Variants in PXDNL observed in about 807,000 individuals in gnomAD.
PXDNL encodes the protein probable oxidoreductase PXDNL.
Under a neutral mutation model 150.8 loss-of-function variants are expected in PXDNL, and 145 were observed. The observed-to-expected ratio is 0.96, with a 90% CI of 0.84 to 1.10. PXDNL has a LOEUF of 1.10. PXDNL is among the 50% of genes least tolerant of loss of function. The pLI, the probability that PXDNL is intolerant of heterozygous loss-of-function variation, is 0.00. For missense variants in PXDNL, 2,087 were observed against 1,873.9 expected, an observed-to-expected ratio of 1.11 and a Z score of -2.10; for synonymous variants, 757 against 725.7, an observed-to-expected ratio of 1.04 and a Z score of -0.69.
chr8:51,599,264 TCTCCTGCTAGTTCTAGGG>T (rs1380384526), intron 2 of PXDNL, among the ~76,000 whole-genome samples: 2 of 152,008 alleles, frequency 1.3e-5, no homozygotes, highest in Non-Finnish European at 2.9e-5. Flanking sequence ...TTACTTCTTT[TCTCCTGCTAGTTCTAGGG>T]TTAGTTTGTT....
At position 51,423,695 on chromosome 8, in the gene PXDNL, C is replaced by A. The variant is rs148872370; in HGVS notation, c.1675G>T (p.Val559Leu). The A allele has an allele frequency of 3.4e-4, 543 of 1,613,852 alleles. 5 individuals are homozygous for A. In the African/African-American group the frequency reaches 6.4e-3, roughly 19 times the overall value. ...ATAGTCAGCGTGCCTTCATCATCCA[C>A]ATGGAATTTACCACTCTCAGTAATC... ...VQITESGKFH[V>L]DDEGTLTIYD... The change falls in exon 14 of 23, where the codon GTG (valine) becomes TTG (leucine). Residue 559 changes from valine (V) to leucine (L), a missense_variant. Coordinates refer to ENST00000356297, the MANE Select transcript of PXDNL (RefSeq NM_144651.5).
At chr8:51,439,642 G>T (rs2893654) in intron 12 of PXDNL, among the ~76,000 whole-genome samples, 147,081 of 152,080 alleles carry the variant, frequency 0.97, 71,352 homozygotes, top group East Asian at 1. Flanking sequence ...CTGGCCAACA[G>T]GGCGAAAAAC....
intron 1 of PXDNL, among the ~76,000 whole-genome samples, chr8:51,720,779 C>T (rs531634700): frequency 2.0e-5 from 3 of 152,212 alleles, no homozygotes; most frequent in East Asian, 1.9e-4. Flanking sequence ...TTCACACAGT[C>T]GGCTAGTGGT....
At chr8:51,492,986 C>G (rs980627360) in intron 5 of PXDNL, among the ~76,000 whole-genome samples, 2 of 152,202 alleles carry the variant, frequency 1.3e-5, no homozygotes, top group African/African-American at 4.8e-5. Context: ...ACTGCCTCCT[C>G]AAGTGGGTCT....
intron 14 of PXDNL, among the ~76,000 whole-genome samples, chr8:51,418,136 G>A (rs1808849022): frequency 6.6e-6 from 1 of 152,148 alleles, no homozygotes; most frequent in Non-Finnish European, 1.5e-5. Flanking sequence ...GATGAGAAAT[G>A]TGTTACCTTT....
intron 2 of PXDNL, among the ~76,000 whole-genome samples, chr8:51,633,566 T>C (rs1814537075): frequency 6.6e-6 from 1 of 152,090 alleles, no homozygotes; most frequent in South Asian, 2.1e-4. Flanking sequence ...GTTTTTTAAC[T>C]TCTTAATAAT....
In PXDNL at chr8:51,398,281, A is replaced by G. The variant is rs72638113; in HGVS notation, c.3557+9786T>C. Among the ~76,000 whole-genome samples the G allele has an allele frequency of 5.5e-3, 843 of 152,344 alleles. 2 individuals are homozygous for G. Among genetic ancestry groups the G allele is most frequent in the Admixed American group, 0.01 (157 of 15,304 alleles). On this transcript the variant is annotated intron_variant, in intron 17 of 22. Transcript: ENST00000356297. ...AGGTGCAGCTGCACTCGAGGCTGCC[A>G]TCCCAGTTCCGGAAAGCTGAAGCAG...
In PXDNL at chr8:51,342,327, T is replaced by A. The variant is rs371458747; in HGVS notation, c.4017-2574A>T. On this transcript the variant is annotated intron_variant, in intron 20 of 22. Transcript: ENST00000356297. ...TATTCATCAGAATAAACTTTTAACA[T>A]AATTATTTATATTTTTAGTTTATTA... Among the ~76,000 whole-genome samples, 32 of 152,120 alleles carry A rather than the reference T, an allele frequency of 2.1e-4. No homozygotes were observed. The East Asian group carries it at 2.5e-3, about 12-fold the overall frequency.
intron 5 of PXDNL, among the ~76,000 whole-genome samples, chr8:51,486,718 G>A (rs1404498898): frequency 8.4e-6 from 1 of 119,160 alleles, no homozygotes; most frequent in Non-Finnish European, 1.6e-5. Flanking sequence ...CCAACAAGAA[G>A]CTAAAAAGCA....
intron 21 of PXDNL, among the ~76,000 whole-genome samples, chr8:51,330,306 C>G (rs1348589393): frequency 6.6e-6 from 1 of 151,954 alleles, no homozygotes; most frequent in Non-Finnish European, 1.5e-5. Context: ...GAAGATATGT[C>G]AATAGTAACT....
At chr8:51,347,401 A>G (rs1272407164) in intron 19 of PXDNL, among the ~76,000 whole-genome samples, 1 of 152,248 alleles carries the variant, frequency 6.6e-6, no homozygotes, top group African/African-American at 2.4e-5. Context: ...ACTTATACAT[A>G]TGAACTCACT....
At position 51,593,122 on chromosome 8, in the gene PXDNL, C is replaced by A. The variant is rs561087010; in HGVS notation, c.237-424G>T. Among the ~76,000 whole-genome samples, 6 of 152,272 alleles carry A rather than the reference C, an allele frequency of 3.9e-5. No homozygotes were observed. In the South Asian group the frequency reaches 1.2e-3, roughly 32 times the overall value. On this transcript the variant is annotated intron_variant, in intron 2 of 22. Transcript: ENST00000356297. The stretch of plus-strand genomic sequence containing the variant: ...CAGATATTGACACACAGTAGACTTT[C>A]ATTGTGTATTTGTTAAACTGTCAAA...
At chr8:51,551,285 A>G (rs1812476282) in intron 4 of PXDNL, among the ~76,000 whole-genome samples, 1 of 152,166 alleles carries the variant, frequency 6.6e-6, no homozygotes, top group South Asian at 2.1e-4. Context: ...TACAATTTCC[A>G]CCAAAATATC....
At chr8:51,747,888 C>T (rs1444893585) in intron 1 of PXDNL, among the ~76,000 whole-genome samples, 2 of 149,060 alleles carry the variant, frequency 1.3e-5, no homozygotes, top group East Asian at 2.0e-4. Context: ...TCTCAGAGAA[C>T]AGCCTGCCTT....
intron 2 of PXDNL, among the ~76,000 whole-genome samples, chr8:51,608,043 AAG>A (rs1215816039): frequency 2.4e-5 from 3 of 127,362 alleles, no homozygotes; most frequent in Admixed American, 7.6e-5. Flanking sequence ...GAAAGAAAGA[AAG>A]AAAGAAAGAA....
chr8:51,709,424 T>C (rs1239513529), intron 1 of PXDNL, among the ~76,000 whole-genome samples: 2 of 152,064 alleles, frequency 1.3e-5, no homozygotes, highest in Non-Finnish European at 2.9e-5. Flanking sequence ...CCGGCTAATT[T>C]TTTTTATTTT....
intron 14 of PXDNL, among the ~76,000 whole-genome samples, chr8:51,418,551 GAATTGTTTATAC>G (rs1256144024): frequency 1.3e-5 from 2 of 152,156 alleles, no homozygotes; most frequent in African/African-American, 4.8e-5. Context: ...TTCAAATAGT[GAATTGTTTATAC>G]AGAGTTTTGG....
chr8:51,758,907 C>G (rs147117097), intron 1 of PXDNL, among the ~76,000 whole-genome samples: 1,919 of 152,340 alleles, frequency 0.013, 16 homozygotes, highest in Middle Eastern at 0.02. Flanking sequence ...CCCTGAGCAA[C>G]AAAGCAGTGA....
At chr8:51,687,594 T>TGATTCCACTTGACC (rs1815905269) in intron 1 of PXDNL, among the ~76,000 whole-genome samples, 1 of 152,246 alleles carries the variant, frequency 6.6e-6, no homozygotes, top group African/African-American at 2.4e-5. Context: ...GTCACATGAC[T>TGATTCCACTTGACC]GATTCCACTT....
Sources: gnomAD v4.1 joint callset for allele counts (sites outside exome capture counted in the v4.1 genomes callset) on GRCh38, gnomAD v4.1.1 for gene constraint, MANE v1.5 for transcripts, NCBI Gene and HGNC (gene_info 2026-07-23, HGNC 2026-07-21) for gene names.